Variants in CRB2 observed in about 807,000 individuals in gnomAD.
CRB2 encodes the protein protein crumbs homolog 2.
In CRB2, 85 loss-of-function variants were observed where a neutral mutation model predicts 110.9. The observed-to-expected ratio is 0.77, with a 90% CI of 0.64 to 0.92. CRB2 has a LOEUF of 0.92. Among genes scored for constraint, CRB2 ranks in the 40% least tolerant of loss-of-function variants. CRB2 has a pLI of 0.00. For synonymous variants in CRB2, 907 were observed against 831.0 expected, an observed-to-expected ratio of 1.09 and a Z score of -1.57; for missense variants, 1,843 against 1,851.3, an observed-to-expected ratio of 1.00 and a Z score of 0.08.
chr9:123,380,194 C>T (rs770286223), downstream of CRB2: 10 of 152,326 alleles, frequency 6.6e-5, no homozygotes, highest in African/African-American at 2.4e-4. Context: ...CAATTTCCTG[C>T]GTGTCTCAGA....
intron 1 of CRB2, among the ~76,000 whole-genome samples, chr9:123,357,285 G>A (rs1467096533): frequency 6.6e-6 from 1 of 152,066 alleles, no homozygotes; most frequent in Non-Finnish European, 1.5e-5. Flanking sequence ...AGTTACTATA[G>A]TTACAGGGGC....
At chr9:123,354,093 G>A (rs912366931), upstream of CRB2, among the ~76,000 whole-genome samples, 9 of 152,200 alleles carry the variant, frequency 5.9e-5, no homozygotes, top group Non-Finnish European at 1.2e-4. Flanking sequence ...AAGATGGTGT[G>A]CCCTTGTCTG....
chr9:123,379,457 C>T (rs1159037020), downstream of CRB2, among the ~76,000 whole-genome samples: 3 of 152,220 alleles, frequency 2.0e-5, no homozygotes, highest in Non-Finnish European at 2.9e-5. Context: ...CAACCCCGTG[C>T]CTGGTCTGTG....
chr9:123,371,801 C>T (rs1174932029), intron 8 of CRB2, among the ~76,000 whole-genome samples: 4 of 152,162 alleles, frequency 2.6e-5, no homozygotes, highest in Non-Finnish European at 4.4e-5. Context: ...CGTGTCTCCC[C>T]GAGCTAGTCC....
At chr9:123,359,235 A>G (rs1310513963) in intron 1 of CRB2, among the ~76,000 whole-genome samples, 1 of 151,968 alleles carries the variant, frequency 6.6e-6, no homozygotes, top group Non-Finnish European at 1.5e-5. Flanking sequence ...GCAAGCCTCC[A>G]TGGTTATTCA....
intron 2 of CRB2, among the ~76,000 whole-genome samples, chr9:123,364,134 G>A (rs1011163063): frequency 6.6e-6 from 1 of 152,326 alleles, no homozygotes; most frequent in East Asian, 1.9e-4. Flanking sequence ...GATTTGGGAA[G>A]CTGGTTCCAT....
downstream of CRB2, chr9:123,378,805 G>GTTTTTTTTTTT (rs1166539194): frequency 7.9e-5 from 8 of 100,976 alleles, no homozygotes; most frequent in South Asian, 3.4e-4. Flanking sequence ...CCTGTTTTTT[G>GTTTTTTTTTTT]TTTTTTTTTT....
Position 123,371,274 on chromosome 9 carries a change from G to A in CRB2, c.2132G>A (p.Gly711Asp). 6.2e-7 allele frequency: 1 copy of A among 1,613,898 alleles called. No homozygotes were observed. Residue 711 changes from glycine to aspartate, a missense_variant, in exon 8 of 13, where the codon GGC becomes GAC. Gly to Asp is a moderately conservative substitution (Grantham distance 94). Coordinates refer to ENST00000373631, the MANE Select transcript of CRB2 (RefSeq NM_173689.7). ...GGTCGGATCCGGGCTGAGGTGCCGG[G>A]CAGTCCTGCTGTAGTGCTCCCTGGG... ...SEGRIRAEVPGSPAVVLPGRW... is the reference protein window; with the variant it reads ...SEGRIRAEVPDSPAVVLPGRW...
downstream of CRB2, among the ~76,000 whole-genome samples, chr9:123,379,125 CCTGT>C (rs1290218501): frequency 3.1e-5 from 1 of 32,618 alleles, no homozygotes; most frequent in Admixed American, 3.0e-4. Flanking sequence ...TCGTTTTCAG[CCTGT>C]CAGTCAGTCA....
At position 123,363,063 on chromosome 9, in the gene CRB2, C is replaced by T. The variant is rs370576192; in HGVS notation, c.293C>T (p.Pro98Leu). 16 of 1,611,766 alleles carry T rather than the reference C, an allele frequency of 9.9e-6. No homozygotes were observed. In the East Asian group the frequency reaches 1.3e-4, roughly 13 times the overall value. ...DPTGFRCYCV[P>L]GFQGPRCELD... ...ACCGGCTTCCGCTGCTACTGCGTGC[C>T]GGGTTTCCAGGGCCCACGCTGCGAG... The change falls in exon 2 of 13, where the codon CCG becomes CTG. Residue 98 changes from proline to leucine, a missense_variant. Coordinates refer to ENST00000373631, the MANE Select transcript of CRB2 (RefSeq NM_173689.7).
chr9:123,367,252 C>G lies in CRB2; in HGVS notation c.835C>G (p.Arg279Gly). The change falls in exon 5 of 13, where the codon CGC becomes GGC. Residue 279 changes from arginine (R) to glycine (G), a missense_variant. Coordinates refer to ENST00000373631, the MANE Select transcript of CRB2 (RefSeq NM_173689.7). ...PCQHGGRCLQ[R>G]SDPALYGGVQ... ...CCAGCATGGGGGCCGATGCCTGCAG[C>G]GCTCTGACCCGGCCCTCTACGGGGG... 1 of 1,593,952 alleles carries G rather than the reference C, an allele frequency of 6.3e-7. No individual in the cohort carries two copies. The highest frequency in any genetic ancestry group is 8.5e-7 in the Non-Finnish European group (1 of 1,176,746).
chr9:123,377,171 T>G lies in CRB2; in HGVS notation c.*109T>G, dbSNP rs2042115866. The G allele has an allele frequency of 3.8e-6, 4 of 1,063,054 alleles. No homozygotes were observed. The highest frequency in any genetic ancestry group is 5.3e-6 in the Non-Finnish European group (4 of 753,842). The allele number at this position is 1,063,054 out of a possible 1,614,324, so 65.9% of individuals were successfully genotyped here. A position where few individuals can be genotyped will look rare whatever the true frequency, so the allele number is the denominator to read the frequency against. ...GGACATTGCTACGGAAGTGTCCCCT[T>G]GGCTGGCAGCCTCTGCCTCTGCCTC... On this transcript the variant is annotated 3_prime_UTR_variant, in exon 13 of 13. Coordinates refer to ENST00000373631, the MANE Select transcript of CRB2 (RefSeq NM_173689.7).
chr9:123,374,017 C>T (rs2042064610), intron 10 of CRB2, 97 bp downstream of exon 10: 1 of 1,431,370 alleles, frequency 7.0e-7, no homozygotes, highest in Non-Finnish European at 9.6e-7. Context: ...CGCTTCCCTT[C>T]CCTGGTCCTC....
Position 123,370,456 on chromosome 9 carries a change from C to T in CRB2, c.1403C>T (p.Thr468Ile). 2 of 1,613,444 alleles carry T rather than the reference C, an allele frequency of 1.2e-6. No individual in the cohort carries two copies. The highest frequency in any genetic ancestry group is 1.1e-5 in the South Asian group (1 of 91,076). ...PLGLALRFRT[T>I]LPAGTLATRN... ...GGTCTGGCACTGAGGTTTCGCACCA[C>T]ACTGCCCGCTGGGACCTTGGCCACT... Residue 468 changes from threonine to isoleucine, a missense_variant, in exon 7 of 13, where the codon ACA (threonine) becomes ATA (isoleucine). Coordinates refer to ENST00000373631, the MANE Select transcript of CRB2 (RefSeq NM_173689.7).
At position 123,377,372 on chromosome 9, in the gene CRB2, G is replaced by T. The variant is rs2042119271; in HGVS notation, c.*310G>T. 1 of 319,836 alleles carries T rather than the reference G, an allele frequency of 3.1e-6. No homozygotes were observed. Among genetic ancestry groups the T allele is most frequent in the East Asian group, 5.6e-5 (1 of 17,728 alleles). The allele number at this position is 319,836 out of a possible 1,614,324, so 19.8% of individuals were successfully genotyped here. On this transcript the variant is annotated 3_prime_UTR_variant, in exon 13 of 13. Coordinates refer to ENST00000373631, the MANE Select transcript of CRB2 (RefSeq NM_173689.7). ...GGAGTGTGTGTATCTGGAGGAGTGT[G>T]TGTGTGAGTGTGTACCTGGGCCTGT...
In CRB2 at chr9:123,373,623, C is replaced by A. The variant is rs1351282980; in HGVS notation, c.3092C>A (p.Pro1031His). ...GLPLPLARPR[P>H]GAAPGAREHF... is the part of the protein sequence containing the mutation. ...CCCCTGCCCTTGGCGCGGCCCCGGC[C>A]CGGCGCGGCCCCTGGCGCCCGAGAG... The change falls in exon 10 of 13, where the codon CCC (proline) becomes CAC (histidine). Residue 1031 changes from proline (P) to histidine (H), a missense_variant. Pro to His is a moderately conservative substitution (Grantham distance 77). Transcript: ENST00000373631. The A allele has an allele frequency of 3.7e-6, 5 of 1,362,064 alleles. No homozygotes were observed. The highest frequency in any genetic ancestry group is 3.8e-6 in the Non-Finnish European group (4 of 1,065,764). 84.4% of individuals were successfully genotyped at this position (1,362,064 alleles called of 1,614,324 possible). A position where few individuals can be genotyped will look rare whatever the true frequency, so the allele number is the denominator to read the frequency against.
Position 123,371,222 on chromosome 9 carries a change from G to A in CRB2, c.2080G>A (p.Ala694Thr). The change falls in exon 8 of 13, where the codon GCT becomes ACT. Residue 694 changes from alanine to threonine, a missense_variant. Transcript: ENST00000373631. ...LLLQFANDSAAGLTVFLSEGR... is the reference protein window; with the variant it reads ...LLLQFANDSATGLTVFLSEGR... Reference sequence around the variant, plus strand: ...GCTCCAGTTTGCCAATGACTCCGCAGCTGGCCTAACAGTATTCCTGAGTGA... The same window carrying A: ...GCTCCAGTTTGCCAATGACTCCGCAACTGGCCTAACAGTATTCCTGAGTGA... 1 of 1,613,978 alleles carries A rather than the reference G, an allele frequency of 6.2e-7. No individual in the cohort carries two copies. Among genetic ancestry groups the A allele is most frequent in the Non-Finnish European group, 8.5e-7 (1 of 1,180,036 alleles).
chr9:123,374,598 G>A lies in CRB2; in HGVS notation c.3409G>A (p.Glu1137Lys). Residue 1137 changes from glutamate (E) to lysine (K), a missense_variant, in exon 11 of 13, where the codon GAG (glutamate) becomes AAG (lysine). Physicochemically the swap from Glu to Lys is moderately conservative, Grantham distance 56. Coordinates refer to ENST00000373631, the MANE Select transcript of CRB2 (RefSeq NM_173689.7). ...CCCCAGGTTGCCTGTCCCATCCAAG[G>A]AGTGCAGCCTGAATGTCACCTGCCT... ...PRCRLPVPSK[E>K]CSLNVTCLDG... The A allele has an allele frequency of 6.2e-7, 1 of 1,613,396 alleles. No individual in the cohort carries two copies. The highest frequency in any genetic ancestry group is 8.5e-7 in the Non-Finnish European group (1 of 1,179,842).
At chr9:123,380,278 A>G (rs1452182610), downstream of CRB2, 1 of 152,516 alleles carries the variant, frequency 6.6e-6, no homozygotes, top group Non-Finnish European at 1.5e-5. Context: ...AGATTCATCA[A>G]ATCAATAAGG....
Sources: gnomAD v4.1 joint callset for allele counts (sites outside exome capture counted in the v4.1 genomes callset) on GRCh38, gnomAD v4.1.1 for gene constraint, MANE v1.5 for transcripts, NCBI Gene and HGNC (gene_info 2026-07-23, HGNC 2026-07-21) for gene names.